The following LRRC4C variants were observed in gnomAD, a reference collection of about 807,000 sequenced individuals.
The protein encoded by LRRC4C is leucine-rich repeat-containing protein 4C.
A neutral mutation model predicts 33.6 loss-of-function variants in LRRC4C; 5 were observed. That is an observed-to-expected ratio of 0.15 (90% CI 0.08 to 0.31). The LOEUF (loss-of-function observed/expected upper bound fraction) is 0.31, where lower values mean the gene tolerates loss of function less well. Among genes scored for constraint, LRRC4C ranks in the 10% least tolerant of loss-of-function variants. The pLI, the probability that LRRC4C is intolerant of heterozygous loss-of-function variation, is 1.00. For missense variants in LRRC4C, 560 were observed against 796.7 expected (o/e 0.70, Z 3.58); for synonymous variants, 329 against 302.0 (o/e 1.09, Z -0.93).
rs146953377 is a variant in LRRC4C, at chr11:40,374,241, G to A, written c.-269-54520C>T. 5.5e-4 allele frequency among the ~76,000 whole-genome samples: 83 copies of A among 152,262 alleles called. No individual in the cohort carries two copies. In the East Asian group the frequency reaches 0.012, roughly 23 times the overall value. On this transcript the variant is annotated intron_variant, in intron 3 of 6. Coordinates refer to ENST00000528697, the MANE Select transcript of LRRC4C (RefSeq NM_001258419.2). ...TAAATAGATGTTTGTTGTTGTGTCC[G>A]TAGTGGTGATGCTTGTGGTTGATAT...
intron 2 of LRRC4C, among the ~76,000 whole-genome samples, chr11:40,918,567 T>C (rs1156928545): frequency 1.3e-5 from 2 of 152,094 alleles, no homozygotes; most frequent in Non-Finnish European, 2.9e-5. Flanking sequence ...CACACATCCT[T>C]AAAAATCTAT....
intron 4 of LRRC4C, among the ~76,000 whole-genome samples, chr11:40,297,841 T>C (rs544729502): frequency 6.6e-6 from 1 of 152,286 alleles, no homozygotes; most frequent in East Asian, 1.9e-4. Context: ...TAAGGGAACC[T>C]AGCTAGGAAG....
intron 3 of LRRC4C, among the ~76,000 whole-genome samples, chr11:40,432,792 T>C (rs1950986309): frequency 6.6e-6 from 1 of 152,198 alleles, no homozygotes; most frequent in South Asian, 2.1e-4. Flanking sequence ...TTATCAAAAA[T>C]AACCTTGATT....
At chr11:40,155,585 A>C (rs1858617479) in intron 5 of LRRC4C, among the ~76,000 whole-genome samples, 1 of 152,184 alleles carries the variant, frequency 6.6e-6, no homozygotes. Context: ...ACCTTTATGC[A>C]CATAAATTAG....
At chr11:40,142,910 G>T (rs570662166) in intron 5 of LRRC4C, among the ~76,000 whole-genome samples, 1 of 152,012 alleles carries the variant, frequency 6.6e-6, no homozygotes, top group African/African-American at 2.4e-5. Flanking sequence ...TCTTCATTTT[G>T]ATTTAACCCG....
chr11:40,240,212 G>T (rs927583383), intron 5 of LRRC4C, among the ~76,000 whole-genome samples: 1 of 152,034 alleles, frequency 6.6e-6, no homozygotes, highest in Admixed American at 6.6e-5. Flanking sequence ...GTTTTAAAAT[G>T]TAACACAAAA....
At chr11:40,388,141 G>A (rs567380819) in intron 3 of LRRC4C, among the ~76,000 whole-genome samples, 13 of 152,136 alleles carry the variant, frequency 8.5e-5, no homozygotes, top group South Asian at 2.1e-4. Context: ...TTTAACCTTC[G>A]TTTGGAAAGA....
chr11:40,394,800 G>A (rs932026300), intron 3 of LRRC4C, among the ~76,000 whole-genome samples: 3 of 151,970 alleles, frequency 2.0e-5, no homozygotes, highest in East Asian at 3.9e-4. Context: ...TTTTCAAATG[G>A]GTTTTATTAT....
At chr11:41,265,524 A>G (rs1196803195) in intron 1 of LRRC4C, among the ~76,000 whole-genome samples, 1 of 152,168 alleles carries the variant, frequency 6.6e-6, no homozygotes, top group African/African-American at 2.4e-5. Flanking sequence ...TAAAGCCATA[A>G]TCTTACCAAC....
In LRRC4C at chr11:40,929,638, A is replaced by G. The variant is rs1028037289; in HGVS notation, c.-407+3997T>C. 3.3e-5 allele frequency among the ~76,000 whole-genome samples: 5 copies of G among 151,998 alleles called. No individual in the cohort carries two copies. The South Asian group carries it at 1.0e-3, about 32-fold the overall frequency. ...TATTTTATTTTATTTTTTTTGAGAC[A>G]GAGTCTCGCTCTGTCGCCCAGGCTG... On this transcript the variant is annotated intron_variant, in intron 2 of 6. Transcript: ENST00000528697.
rs191275908 is a variant in LRRC4C at position 40,360,309 on chromosome 11, G to T, written c.-269-40588C>A. On this transcript the variant is annotated intron_variant, in intron 3 of 6. Transcript: ENST00000528697. ...AGAATTTGAAAGGCAGAATATCAGA[G>T]AGGGGCAAGTAGCAAAGAGTGATAC... Among the ~76,000 whole-genome samples, 218 of 152,266 alleles carry T rather than the reference G, an allele frequency of 1.4e-3. 2 individuals carry two copies. The highest frequency in any genetic ancestry group is 4.9e-3 in the African/African-American group (205 of 41,558).
rs1199477237 is a variant in LRRC4C, at chr11:40,947,890, C to G, written c.-495-14167G>C. Reference sequence around the variant, plus strand: ...CAGTGGTAGGGTCTTCATTTGTTTCCCTCCATAATTGTCTCTCAGTGTTTC... The same window carrying G: ...CAGTGGTAGGGTCTTCATTTGTTTCGCTCCATAATTGTCTCTCAGTGTTTC... On this transcript the variant is annotated intron_variant, in intron 1 of 6. Coordinates refer to ENST00000528697, the MANE Select transcript of LRRC4C (RefSeq NM_001258419.2). Among the ~76,000 whole-genome samples, 3 of 152,060 alleles carry G rather than the reference C, an allele frequency of 2.0e-5. No homozygotes were observed. In the East Asian group the frequency reaches 5.8e-4, roughly 29 times the overall value.
intron 3 of LRRC4C, among the ~76,000 whole-genome samples, chr11:40,478,029 C>T (rs1485438274): frequency 3.3e-5 from 5 of 152,170 alleles, no homozygotes; most frequent in African/African-American, 9.6e-5. Flanking sequence ...CTGTCATCCA[C>T]GTAAGACATG....
chr11:41,095,453 GA>G (rs1208415542), intron 1 of LRRC4C, among the ~76,000 whole-genome samples: 1 of 152,108 alleles, frequency 6.6e-6, no homozygotes, highest in African/African-American at 2.4e-5. Context: ...TCATAGAGCA[GA>G]AAAAACATGT....
chr11:40,600,535 T>G (rs1358888978), intron 3 of LRRC4C, among the ~76,000 whole-genome samples: 1 of 152,148 alleles, frequency 6.6e-6, no homozygotes, highest in Admixed American at 6.5e-5. Context: ...TATCCCTGGC[T>G]CTCTACACAA....
intron 3 of LRRC4C, among the ~76,000 whole-genome samples, chr11:40,627,069 A>G (rs1168341955): frequency 8.1e-6 from 1 of 123,828 alleles, no homozygotes; most frequent in East Asian, 2.4e-4. Context: ...GCTGTCAGCT[A>G]TACTGTTTTT....
chr11:41,420,170 C>T (rs1368885263), intron 1 of LRRC4C, among the ~76,000 whole-genome samples: 3 of 151,866 alleles, frequency 2.0e-5, no homozygotes, highest in African/African-American at 4.8e-5. Flanking sequence ...CACTTTTTCT[C>T]ACAACCTTCC....
At chr11:40,695,333 T>C (rs1945441859) in intron 2 of LRRC4C, among the ~76,000 whole-genome samples, 1 of 152,174 alleles carries the variant, frequency 6.6e-6, no homozygotes, top group South Asian at 2.1e-4. Context: ...TGTGTATTTT[T>C]ATTTGTGTAT....
At chr11:41,372,456 T>A (rs1952785716) in intron 1 of LRRC4C, among the ~76,000 whole-genome samples, 1 of 152,342 alleles carries the variant, frequency 6.6e-6, no homozygotes, top group Non-Finnish European at 1.5e-5. Context: ...TATTGATACA[T>A]GCATTTGGGA....
Sources: gnomAD v4.1 joint callset for allele counts (sites outside exome capture counted in the v4.1 genomes callset) on GRCh38, gnomAD v4.1.1 for gene constraint, MANE v1.5 for transcripts, NCBI Gene and HGNC (gene_info 2026-07-23, HGNC 2026-07-21) for gene names.